Variants in MLXIPL observed in about 807,000 individuals in gnomAD.
MLXIPL encodes carbohydrate-responsive element-binding protein.
Under a neutral mutation model 81.5 loss-of-function variants are expected in MLXIPL, and 49 were observed. That is an observed-to-expected ratio of 0.60 (90% CI 0.48 to 0.76). The LOEUF is 0.76. MLXIPL is among the 30% of genes least tolerant of loss of function. The pLI, the probability that MLXIPL is intolerant of heterozygous loss-of-function variation, is 0.00. For synonymous variants in MLXIPL, 466 were observed against 485.5 expected, an observed-to-expected ratio of 0.96 and a Z score of 0.53; for missense variants, 1,053 against 1,167.0, an observed-to-expected ratio of 0.90 and a Z score of 1.42.
At chr7:73,602,122 G>GCCTTCCTTCCTTCCTT (rs1419749580) in intron 7 of MLXIPL, among the ~76,000 whole-genome samples, 223 of 59,610 alleles carry the variant, frequency 3.7e-3, no homozygotes, top group Middle Eastern at 9.3e-3. Flanking sequence ...CTGCCTGCCT[G>GCCTTCCTTCCTTCCTT]CCTGCCTGCC....
At chr7:73,640,402 C>CAAAAAAAAAAAAA in the MLXIPL span, among the ~76,000 whole-genome samples, 1 of 82,250 alleles carries the variant, frequency 1.2e-5, no homozygotes, top group Non-Finnish European at 2.6e-5. Flanking sequence ...ACCCTGTCTC[C>CAAAAAAAAAAAAA]AAAAAAAAAA....
chr7:73,633,143 C>G, the MLXIPL span, among the ~76,000 whole-genome samples: 1 of 149,768 alleles, frequency 6.7e-6, no homozygotes, highest in Non-Finnish European at 1.5e-5. Context: ...TGCAGTGGCT[C>G]GATCTCGGCT....
the MLXIPL span, among the ~76,000 whole-genome samples, chr7:73,639,020 G>C: frequency 2.0e-5 from 3 of 152,130 alleles, no homozygotes; most frequent in Admixed American, 2.0e-4. Context: ...TAGTAGAGAG[G>C]AGAGGGAAGA....
upstream of MLXIPL, chr7:73,624,551 G>A: frequency 2.7e-6 from 4 of 1,464,072 alleles, no homozygotes; most frequent in Non-Finnish European, 1.8e-6. Flanking sequence ...AACAGCTCTT[G>A]GCCAGCCGGG....
the MLXIPL span, among the ~76,000 whole-genome samples, chr7:73,636,916 T>C: frequency 6.6e-6 from 1 of 151,568 alleles, no homozygotes; most frequent in East Asian, 2.0e-4. Flanking sequence ...AAAAGTTAGC[T>C]GGGCATGGTG....
intron 4 of MLXIPL, 37 bp from the exon 5 acceptor site, chr7:73,607,055 G>A: frequency 6.2e-7 from 1 of 1,608,116 alleles, no homozygotes; most frequent in Non-Finnish European, 8.5e-7. Flanking sequence ...CGGATCCCTT[G>A]CCCCATCCTC....
At chr7:73,626,049 G>A (rs1796722550), upstream of MLXIPL, among the ~76,000 whole-genome samples, 1 of 152,162 alleles carries the variant, frequency 6.6e-6, no homozygotes, top group East Asian at 1.9e-4. Flanking sequence ...TGTCACCCAG[G>A]CTGGAGTGCA....
At position 73,595,944 on chromosome 7, in the gene MLXIPL, T is replaced by C; in HGVS notation, c.2084A>G (p.Lys695Arg). ...TAGCATAAGGATGTACTCAGCTGTC[T>C]TCTGCAGCGTGGTAGCTTTGCTCAC... The part of the protein sequence containing the change: ...LKVSKATTLQ[K>R]TAEYILMLQQ... Residue 695 changes from lysine to arginine, a missense_variant, in exon 14 of 17, where the codon AAG becomes AGG. Physicochemically the swap from Lys to Arg is conservative, Grantham distance 26. This residue lies in a region of MLXIPL where 823 missense variants were observed against 933.0 expected (regional missense o/e 0.88). Coordinates refer to ENST00000313375, the MANE Select transcript of MLXIPL (RefSeq NM_032951.3). 1 of 1,613,184 alleles carries C rather than the reference T, an allele frequency of 6.2e-7. No individual in the cohort carries two copies. The highest frequency in any genetic ancestry group is 8.5e-7 in the Non-Finnish European group (1 of 1,179,996).
intron 7 of MLXIPL, 64 bp downstream of exon 7, chr7:73,605,624 G>T: frequency 6.7e-7 from 1 of 1,501,392 alleles, no homozygotes. Flanking sequence ...CCTGGGATGG[G>T]CTCATCGGCC....
intron 2 of MLXIPL, among the ~76,000 whole-genome samples, chr7:73,608,415 C>T (rs1336531276): frequency 6.6e-6 from 1 of 151,914 alleles, no homozygotes; most frequent in Non-Finnish European, 1.5e-5. Flanking sequence ...GGTGAAACCC[C>T]GTCTCCACTA....
the MLXIPL span, among the ~76,000 whole-genome samples, chr7:73,630,895 A>C: frequency 1.8e-4 from 27 of 152,234 alleles, no homozygotes; most frequent in Non-Finnish European, 4.0e-4. Context: ...TGTGCACCAA[A>C]ACACAAGACT....
In MLXIPL at chr7:73,599,526, C is replaced by T. The variant is rs529401901; in HGVS notation, c.1071G>A (p.Gln357=). 5.0e-6 allele frequency: 8 copies of T among 1,612,544 alleles called. No homozygotes were observed. The South Asian group carries it at 7.7e-5, about 16-fold the overall frequency. ...MTHLSGHSRL[Q]ARNSCPGPLD... ...GCTGGACGGGGTGGGGTGAGCTCAC[C>T]TGCAGACGGCTGTGTCCAGAGAGGT... Residue 357 remains glutamine (Q), a splice_region_variant and synonymous_variant, in exon 8 of 17, where the codon CAG becomes CAA. Transcript: ENST00000313375.
At chr7:73,604,587 T>TTAAAA (rs1218398761) in intron 7 of MLXIPL, among the ~76,000 whole-genome samples, 3 of 151,772 alleles carry the variant, frequency 2.0e-5, no homozygotes, top group Non-Finnish European at 4.4e-5. Flanking sequence ...ATAAATTAAA[T>TTAAAA]TAAAATAAAA....
upstream of MLXIPL, among the ~76,000 whole-genome samples, chr7:73,627,157 C>A (rs1554603997): frequency 6.6e-6 from 1 of 152,128 alleles, no homozygotes; most frequent in Non-Finnish European, 1.5e-5. Context: ...CCCATCCCTG[C>A]CAGGTTAGGA....
chr7:73,629,047 CTT>C (rs782604408), upstream of MLXIPL, among the ~76,000 whole-genome samples: 7 of 143,760 alleles, frequency 4.9e-5, no homozygotes, highest in Admixed American at 1.4e-4. Flanking sequence ...CTTTTCTTTT[CTT>C]TTTTTTTTTT....
chr7:73,643,166 C>T, the MLXIPL span, among the ~76,000 whole-genome samples: 2 of 152,262 alleles, frequency 1.3e-5, no homozygotes, highest in East Asian at 1.9e-4. Context: ...TCAACCAGCC[C>T]GTTGCTCAGG....
the MLXIPL span, among the ~76,000 whole-genome samples, chr7:73,630,207 C>T: frequency 2.0e-5 from 3 of 151,200 alleles, no homozygotes; most frequent in South Asian, 4.2e-4. Flanking sequence ...CTGTGTTAGC[C>T]AGGAAGGTCT....
At chr7:73,608,013 G>T (rs1399542069) in intron 2 of MLXIPL, among the ~76,000 whole-genome samples, 2 of 151,588 alleles carry the variant, frequency 1.3e-5, no homozygotes, top group East Asian at 2.0e-4. Flanking sequence ...CCCACGACCA[G>T]GCCCAGCTAA....
intron 7 of MLXIPL, among the ~76,000 whole-genome samples, chr7:73,602,666 C>T (rs1302686193): frequency 7.2e-5 from 11 of 152,048 alleles, no homozygotes; most frequent in African/African-American, 2.2e-4. Context: ...GGCAACAGAG[C>T]AAGATTCCAT....
Sources: gnomAD v4.1 joint callset for allele counts (sites outside exome capture counted in the v4.1 genomes callset) on GRCh38, gnomAD v4.1.1 for gene constraint, gnomAD v4.1.1 regional missense constraint, MANE v1.5 for transcripts, NCBI Gene and HGNC (gene_info 2026-07-23, HGNC 2026-07-21) for gene names.